The following PCDHGB1 variants were observed in gnomAD, a reference collection of about 807,000 sequenced individuals.
The protein encoded by PCDHGB1 is protocadherin gamma subfamily B, 1.
In PCDHGB1, 34 loss-of-function variants were observed where a neutral mutation model predicts 56.6. The ratio of observed to expected loss-of-function variants is 0.60; its 90% CI spans 0.46 to 0.80. The LOEUF is 0.80. PCDHGB1 is among the 30% of genes least tolerant of loss of function. PCDHGB1 has a pLI of 0.00. For synonymous variants in PCDHGB1, 561 were observed against 505.9 expected, an observed-to-expected ratio of 1.11 and a Z score of -1.46; for missense variants, 1,278 against 1,204.6, an observed-to-expected ratio of 1.06 and a Z score of -0.90.
intron 1 of PCDHGB1, chr5:141,417,860 A>G (rs1168739756): frequency 7.7e-6 from 12 of 1,549,390 alleles, no homozygotes; most frequent in African/African-American, 1.4e-5. Flanking sequence ...CGAGCGAACG[A>G]TGGGAGGGAG....
rs529966095 is a variant in PCDHGB1 at position 141,499,776 on chromosome 5, TC to T, written c.2468+4914del. 3.7e-3 allele frequency among the ~76,000 whole-genome samples: 528 copies of T among 141,410 alleles called. 6 individuals carry two copies. Among genetic ancestry groups the T allele is most frequent in the Non-Finnish European group, 4.2e-3 (282 of 66,550 alleles). The allele number at this position is 141,410 out of a possible 152,430, so 92.8% of individuals were successfully genotyped here. ...ATCTCAGCTCACTGCAGCCTTCGCCTCCCGGGTTCAAGCAATTCTCATGCTT... is the reference window on the plus strand; with the variant it reads ...ATCTCAGCTCACTGCAGCCTTCGCCTCCGGGTTCAAGCAATTCTCATGCTT... On this transcript the variant is annotated intron_variant, in intron 2 of 3. Coordinates refer to ENST00000523390, the MANE Select transcript of PCDHGB1 (RefSeq NM_018922.3).
rs946798767 is a variant in PCDHGB1 at position 141,438,591 on chromosome 5, C to CATATAT, written c.2410-56176_2410-56171dup. Among the ~76,000 whole-genome samples the CATATAT allele has an allele frequency of 1.5e-3, 111 of 75,470 alleles. 1 individual carries two copies. Among genetic ancestry groups the CATATAT allele is most frequent in the Non-Finnish European group, 2.3e-3 (84 of 37,244 alleles). 49.5% of individuals were successfully genotyped at this position (75,470 alleles called of 152,430 possible). A position where few individuals can be genotyped will look rare whatever the true frequency, so the allele number is the denominator to read the frequency against. ...TCTGATATACATACATACATACATA[C>CATATAT]ATATATATATATATATATATATATA... On this transcript the variant is annotated intron_variant, in intron 1 of 3. Transcript: ENST00000523390.
chr5:141,405,770 G>T (rs989163026), intron 1 of PCDHGB1, among the ~76,000 whole-genome samples: 1 of 152,032 alleles, frequency 6.6e-6, no homozygotes. Context: ...GAGCCACTGC[G>T]CCTGGCCCTT....
At chr5:141,381,763 A>G (rs1419623732) in intron 1 of PCDHGB1, among the ~76,000 whole-genome samples, 2 of 151,122 alleles carry the variant, frequency 1.3e-5, no homozygotes, top group Non-Finnish European at 2.9e-5. Context: ...CTACTACTAT[A>G]TAATCAATAA....
intron 1 of PCDHGB1, among the ~76,000 whole-genome samples, chr5:141,452,145 C>T (rs1414317332): frequency 6.6e-6 from 1 of 152,020 alleles, no homozygotes; most frequent in Non-Finnish European, 1.5e-5. Flanking sequence ...GTGTTTTTTC[C>T]AATGAGTTAT....
intron 1 of PCDHGB1, chr5:141,389,263 C>G (rs1285877712): frequency 6.2e-7 from 1 of 1,614,028 alleles, no homozygotes; most frequent in Admixed American, 1.7e-5. Flanking sequence ...GTCCACGTGG[C>G]CGAGAACAAC....
intron 1 of PCDHGB1, among the ~76,000 whole-genome samples, chr5:141,447,954 CGGACACCTA>C (rs2098556369): frequency 6.6e-6 from 1 of 151,814 alleles, no homozygotes; most frequent in Non-Finnish European, 1.5e-5. Context: ...GGCATGGTGG[CGGACACCTA>C]TAATCCCAGC....
chr5:141,400,068 G>A (rs2093954953), intron 1 of PCDHGB1: 1 of 1,613,706 alleles, frequency 6.2e-7, no homozygotes, highest in African/African-American at 1.3e-5. Flanking sequence ...ATGGTGGACA[G>A]CCGCCACTCT....
intron 1 of PCDHGB1, chr5:141,475,937 C>G (rs970582600): frequency 2.8e-5 from 19 of 676,764 alleles, no homozygotes; most frequent in African/African-American, 1.8e-4. Context: ...GGCCCCTGCC[C>G]GTCCCCTTTC....
intron 1 of PCDHGB1, chr5:141,409,534 C>A (rs774144232): frequency 3.1e-6 from 5 of 1,613,986 alleles, no homozygotes; most frequent in Non-Finnish European, 4.2e-6. Flanking sequence ...ATGTCGCTGA[C>A]ATCAACGACA....
Position 141,433,071 on chromosome 5 carries a change from C to T in PCDHGB1, c.2410-61736C>T, listed in dbSNP as rs2097566106. On this transcript the variant is annotated intron_variant, in intron 1 of 3. Transcript: ENST00000523390. ...TCGCGGAAGAGTCACCTGATCTTCC[C>T]CCAGCCCAACTATGCAGACATGCTC... 2.5e-6 allele frequency: 4 copies of T among 1,614,154 alleles called. No homozygotes were observed. The East Asian group carries it at 8.9e-5, about 36-fold the overall frequency.
chr5:141,427,606 G>A (rs965315804), intron 1 of PCDHGB1: 2 of 688,192 alleles, frequency 2.9e-6, no homozygotes, highest in African/African-American at 3.5e-5. Flanking sequence ...CTACGCATTG[G>A]TGAAGTCAAC....
chr5:141,350,766 T>C lies in PCDHGB1; in HGVS notation c.506T>C (p.Ile169Thr). 6.2e-7 allele frequency: 1 copy of C among 1,613,904 alleles called. No homozygotes were observed. Among genetic ancestry groups the C allele is most frequent in the Non-Finnish European group, 8.5e-7 (1 of 1,179,886 alleles). The stretch of plus-strand genomic sequence containing the variant: ...GGCAATTCACTGAAGTTATACACCA[T>C]CAACCCCAATCAATACTTCTCTCTG... ...VEGNSLKLYT[I>T]NPNQYFSLST... Residue 169 changes from isoleucine to threonine, a missense_variant, in exon 1 of 4, where the codon ATC becomes ACC. Physicochemically the swap from Ile to Thr is moderately conservative, Grantham distance 89. Transcript: ENST00000523390.
chr5:141,394,805 G>A, intron 1 of PCDHGB1: 1 of 1,613,860 alleles, frequency 6.2e-7, no homozygotes, highest in Non-Finnish European at 8.5e-7. Context: ...CCGTAGCCGT[G>A]GCTGACAGCA....
Position 141,491,944 on chromosome 5 carries a change from C to T in PCDHGB1, c.2410-2863C>T, listed in dbSNP as rs1245968796. ...CGAGGGGAGGTGGGACCGACCCCCACCCCTACACTCAAAAAAGGCCGGGGC... is the reference window on the plus strand; with the variant it reads ...CGAGGGGAGGTGGGACCGACCCCCATCCCTACACTCAAAAAAGGCCGGGGC... On this transcript the variant is annotated intron_variant, in intron 1 of 3. Transcript: ENST00000523390. This position sits in a 1 kb window ranked among gnomAD's most constrained non-coding sequence, Gnocchi z 6.9. The T allele has an allele frequency of 1.8e-6, 2 of 1,120,156 alleles. No individual in the cohort carries two copies. Among genetic ancestry groups the T allele is most frequent in the Non-Finnish European group, 2.4e-6 (2 of 822,072 alleles). The allele number at this position is 1,120,156 out of a possible 1,614,324, so 69.4% of individuals were successfully genotyped here. A position where few individuals can be genotyped will look rare whatever the true frequency, so the allele number is the denominator to read the frequency against.
chr5:141,502,862 C>T (rs2099816351), intron 2 of PCDHGB1, among the ~76,000 whole-genome samples: 1 of 68,558 alleles, frequency 1.5e-5, no homozygotes, highest in African/African-American at 1.0e-4. Context: ...CCCTGACTCT[C>T]TGTCTTTTTT....
intron 1 of PCDHGB1, chr5:141,371,175 G>A: frequency 3.1e-6 from 5 of 1,614,004 alleles, no homozygotes; most frequent in Non-Finnish European, 4.2e-6. Flanking sequence ...TGGCTCCTCC[G>A]TATTAAAAGT....
In PCDHGB1 at chr5:141,502,866, C is replaced by CTTTTTTTTTTTTTTTTT. The variant is rs549047197; in HGVS notation, c.2469-2513_2469-2512insTTTTTTTTTTTTTTTTT. Among the ~76,000 whole-genome samples the CTTTTTTTTTTTTTTTTT allele has an allele frequency of 3.1e-5, 4 of 128,046 alleles. 1 individual carries two copies. 84.0% of individuals were successfully genotyped at this position (128,046 alleles called of 152,430 possible). A position where few individuals can be genotyped will look rare whatever the true frequency, so the allele number is the denominator to read the frequency against. ...GAGCTGCCTAACCCTGACTCTCTGTCTTTTTTTTTTTTTTGACAGGGAGTC... is the reference window on the plus strand; with the variant it reads ...GAGCTGCCTAACCCTGACTCTCTGTCTTTTTTTTTTTTTTTTTTTTTTTTTTTTTTTGACAGGGAGTC... On this transcript the variant is annotated intron_variant, in intron 2 of 3. Transcript: ENST00000523390.
intron 1 of PCDHGB1, among the ~76,000 whole-genome samples, chr5:141,469,599 A>G (rs2099206392): frequency 6.6e-6 from 1 of 152,192 alleles, no homozygotes; most frequent in Non-Finnish European, 1.5e-5. Flanking sequence ...ATAAAACAAA[A>G]TAAGTAAAAT....
Sources: gnomAD v4.1 joint callset for allele counts (sites outside exome capture counted in the v4.1 genomes callset) on GRCh38, gnomAD v4.1.1 for gene constraint, Gnocchi (gnomAD v3.1) non-coding constraint, MANE v1.5 for transcripts, NCBI Gene and HGNC (gene_info 2026-07-23, HGNC 2026-07-21) for gene names.